Variants in LGSN observed in about 807,000 individuals in gnomAD.
LGSN encodes lengsin, lens protein with glutamine synthetase domain, also known as lengsin.
Under a neutral mutation model 19.5 loss-of-function variants are expected in LGSN, and 21 were observed. The ratio of observed to expected loss-of-function variants is 1.07; its 90% confidence interval spans 0.76 to 1.55. The LOEUF is 1.55. LGSN is among the 40% of genes most tolerant of loss of function. The pLI is 0.00. For synonymous variants in LGSN, 257 were observed against 215.6 expected (o/e 1.19, Z -1.68); for missense variants, 673 against 608.5 (o/e 1.11, Z -1.12).
At chr6:63,429,773 G>A in the LGSN span, among the ~76,000 whole-genome samples, 1 of 151,284 alleles carries the variant, frequency 6.6e-6, no homozygotes, top group East Asian at 1.9e-4. Flanking sequence ...AGGGATTACA[G>A]GAGCTGACTC....
At chr6:63,320,041 G>A (rs1020816791), upstream of LGSN, 8 of 919,742 alleles carry the variant, frequency 8.7e-6, 1 homozygote, top group African/African-American at 1.1e-4. Context: ...GACTGCAGAT[G>A]ATGAATTCCA....
At chr6:63,439,731 T>A in the LGSN span, among the ~76,000 whole-genome samples, 2 of 152,178 alleles carry the variant, frequency 1.3e-5, no homozygotes, top group African/African-American at 4.8e-5. Context: ...CTTCTCTAGT[T>A]CTTTGGAATT....
the LGSN span, among the ~76,000 whole-genome samples, chr6:63,547,573 T>G: frequency 6.8e-6 from 1 of 146,884 alleles, no homozygotes; most frequent in Non-Finnish European, 1.5e-5. Context: ...TGGTACGATC[T>G]TGGCTCACTG....
the LGSN span, among the ~76,000 whole-genome samples, chr6:63,406,489 G>C: frequency 2.7e-5 from 4 of 149,764 alleles, no homozygotes; most frequent in South Asian, 8.4e-4. Flanking sequence ...AGAGAACAAA[G>C]ACACAACATA....
At chr6:63,326,439 C>A in the LGSN span, among the ~76,000 whole-genome samples, 22 of 152,344 alleles carry the variant, frequency 1.4e-4, no homozygotes, top group South Asian at 6.2e-4. Context: ...CAGTCCCGTG[C>A]CATGCACCTG....
In LGSN at chr6:63,280,521, A is replaced by AT. The variant is rs1767256844; in HGVS notation, c.1029dup (p.Trp344MetfsTer21). Reference sequence around the variant, plus strand: ...GAGTGCTTCAAGAGTCCTGCCAACCATTTTTTCCCAGTGATCGTGAGCTGC... The same window carrying AT: ...GAGTGCTTCAAGAGTCCTGCCAACCATTTTTTTCCCAGTGATCGTGAGCTGC... On this transcript the variant is annotated frameshift_variant, in exon 4 of 4. Coordinates refer to ENST00000370657, the MANE Select transcript of LGSN (RefSeq NM_016571.3). LOFTEE classifies it low-confidence loss of function (END_TRUNC). The AT allele has an allele frequency of 6.2e-7, 1 of 1,613,988 alleles. No homozygotes were observed. Among genetic ancestry groups the AT allele is most frequent in the Non-Finnish European group, 8.5e-7 (1 of 1,180,010 alleles).
intron 3 of LGSN, among the ~76,000 whole-genome samples, chr6:63,282,804 C>G (rs1329368398): frequency 6.6e-6 from 1 of 151,774 alleles, no homozygotes; most frequent in Non-Finnish European, 1.5e-5. Flanking sequence ...TACACACGCA[C>G]ACACACACAC....
the LGSN span, among the ~76,000 whole-genome samples, chr6:63,457,513 ATAAAT>A: frequency 3.3e-5 from 5 of 151,762 alleles, no homozygotes; most frequent in East Asian, 7.8e-4. Flanking sequence ...TCAAAAAATA[ATAAAT>A]TAAATTAAAA....
At chr6:63,286,128 T>G (rs1433840165) in intron 2 of LGSN, among the ~76,000 whole-genome samples, 5 of 152,234 alleles carry the variant, frequency 3.3e-5, no homozygotes. Context: ...TGACTATTAT[T>G]AAACATATTT....
intron 2 of LGSN, among the ~76,000 whole-genome samples, chr6:63,291,574 G>A (rs1377670727): frequency 2.6e-5 from 4 of 152,190 alleles, no homozygotes; most frequent in African/African-American, 9.7e-5. Context: ...TGTCAGTGGA[G>A]CTTGGGGTTT....
At chr6:63,387,096 G>A in the LGSN span, among the ~76,000 whole-genome samples, 8 of 151,740 alleles carry the variant, frequency 5.3e-5, no homozygotes, top group Non-Finnish European at 7.4e-5. Context: ...GCAAGACTCC[G>A]TCTCAAAAAA....
At chr6:63,511,975 C>T in the LGSN span, among the ~76,000 whole-genome samples, 1 of 152,150 alleles carries the variant, frequency 6.6e-6, no homozygotes, top group African/African-American at 2.4e-5. Flanking sequence ...AGTGGTGAAA[C>T]TGTAAGGATA....
the LGSN span, among the ~76,000 whole-genome samples, chr6:63,557,283 G>A: frequency 6.6e-6 from 1 of 152,180 alleles, no homozygotes; most frequent in African/African-American, 2.4e-5. Flanking sequence ...ATTAATATTA[G>A]GTGTGGGCAT....
At chr6:63,483,998 TA>T in the LGSN span, among the ~76,000 whole-genome samples, 1 of 151,852 alleles carries the variant, frequency 6.6e-6, no homozygotes, top group East Asian at 1.9e-4. Context: ...AAATGAAACA[TA>T]AAAAATTACC....
At chr6:63,493,246 C>T in the LGSN span, among the ~76,000 whole-genome samples, 1 of 152,130 alleles carries the variant, frequency 6.6e-6, no homozygotes, top group South Asian at 2.1e-4. Flanking sequence ...ATGAAAAGTG[C>T]TTTCATTGTA....
the LGSN span, among the ~76,000 whole-genome samples, chr6:63,377,972 G>A: frequency 1.5e-5 from 2 of 135,746 alleles, no homozygotes; most frequent in South Asian, 4.8e-4. Context: ...AAGAAAAACA[G>A]CCTTATTGCT....
At chr6:63,343,908 G>A in the LGSN span, among the ~76,000 whole-genome samples, 2 of 152,140 alleles carry the variant, frequency 1.3e-5, no homozygotes, top group South Asian at 2.1e-4. Flanking sequence ...GAAGACAGAG[G>A]AGGCCACATG....
the LGSN span, among the ~76,000 whole-genome samples, chr6:63,568,103 G>A: frequency 2.0e-5 from 3 of 152,162 alleles, no homozygotes; most frequent in Admixed American, 1.3e-4. Context: ...TCAACAATGA[G>A]GCTGTTTCAC....
the LGSN span, among the ~76,000 whole-genome samples, chr6:63,399,606 G>A: frequency 6.6e-6 from 1 of 151,858 alleles, no homozygotes; most frequent in Non-Finnish European, 1.5e-5. Context: ...ATGTTGGGCA[G>A]GCTGATCTCG....
Sources: gnomAD v4.1 joint callset for allele counts (sites outside exome capture counted in the v4.1 genomes callset) on GRCh38, gnomAD v4.1.1 for gene constraint, MANE v1.5 for transcripts, NCBI Gene and HGNC (gene_info 2026-07-23, HGNC 2026-07-21) for gene names.